Variants in SKAP2 observed in about 807,000 individuals in gnomAD.
The protein encoded by SKAP2 is src kinase-associated phosphoprotein 2.
Under a neutral mutation model 54.9 loss-of-function variants are expected in SKAP2, and 28 were observed. The observed-to-expected ratio is 0.51, with a 90% CI of 0.38 to 0.70. The LOEUF is 0.70. Ranked by LOEUF, SKAP2 falls within the 30% of genes least tolerant of loss-of-function variation. The probability of loss-of-function intolerance (pLI) is 0.00; values close to 1 mark genes in which losing one functional copy is unlikely to be tolerated. For synonymous variants in SKAP2, 137 were observed against 134.3 expected, an observed-to-expected ratio of 1.02 and a Z score of -0.14; for missense variants, 356 against 424.1, an observed-to-expected ratio of 0.84 and a Z score of 1.41.
At chr7:26,692,977 C>T (rs946308244) in intron 9 of SKAP2, among the ~76,000 whole-genome samples, 3 of 152,128 alleles carry the variant, frequency 2.0e-5, no homozygotes, top group East Asian at 1.9e-4. Context: ...TAAAGGCACT[C>T]GTCCTCAGTC....
chr7:26,792,034 T>A (rs1783681682), intron 4 of SKAP2, among the ~76,000 whole-genome samples: 1 of 152,208 alleles, frequency 6.6e-6, no homozygotes, highest in Non-Finnish European at 1.5e-5. Context: ...TACAGAGGTA[T>A]GAAACAACAT....
Position 26,844,142 on chromosome 7 carries a change from TA to T in SKAP2, c.200-6del, listed in dbSNP as rs61646374. 107,010 of 1,192,546 alleles carry T rather than the reference TA, an allele frequency of 0.09. 12 individuals are homozygous for T. The highest frequency in any genetic ancestry group is 0.13 in the East Asian group (4,098 of 31,920). The allele number at this position is 1,192,546 out of a possible 1,614,324, so 73.9% of individuals were successfully genotyped here. On this transcript the variant is annotated splice_region_variant and splice_polypyrimidine_tract_variant and intron_variant, in intron 3 of 12. Coordinates refer to ENST00000345317, the MANE Select transcript of SKAP2 (RefSeq NM_003930.5). ...CTTCCCCATCTTCTGCATCACCTGTTAAAAAAAAAAAAAATCAGAGAACTGC... is the reference window on the plus strand; with the variant it reads ...CTTCCCCATCTTCTGCATCACCTGTTAAAAAAAAAAAAATCAGAGAACTGC...
intron 4 of SKAP2, among the ~76,000 whole-genome samples, chr7:26,804,148 C>T (rs1310509242): frequency 6.6e-6 from 1 of 152,144 alleles, no homozygotes; most frequent in Non-Finnish European, 1.5e-5. Flanking sequence ...AGGATAAATG[C>T]TTGAGGGGAT....
chr7:26,688,406 G>C (rs1297631179), intron 10 of SKAP2, among the ~76,000 whole-genome samples: 5 of 152,194 alleles, frequency 3.3e-5, no homozygotes, highest in Non-Finnish European at 1.5e-5. Context: ...TCTGTGGTGG[G>C]GGGTTTAGTA....
At chr7:26,738,657 A>T in intron 6 of SKAP2, 138 bp downstream of exon 6, 1 of 567,070 alleles carries the variant, frequency 1.8e-6, no homozygotes. Context: ...ATGAATCATA[A>T]ATTAGTCAGA....
At position 26,668,670 on chromosome 7, in the gene SKAP2, T is replaced by G. The variant is rs1012604137; in HGVS notation, c.*996A>C. 3 of 150,610 alleles carry G rather than the reference T, an allele frequency of 2.0e-5. No homozygotes were observed. Among genetic ancestry groups the G allele is most frequent in the Admixed American group, 6.6e-5 (1 of 15,136 alleles). The allele number at this position is 150,610 out of a possible 1,614,324, so 9.3% of individuals were successfully genotyped here. On this transcript the variant is annotated 3_prime_UTR_variant, in exon 13 of 13. Coordinates refer to ENST00000345317, the MANE Select transcript of SKAP2 (RefSeq NM_003930.5). Reference sequence around the variant, plus strand: ...GAATACACTGAGATTCTGTTTTTTTTTTTTTTTTTTTCTGAGATGGAGTCT... The same window carrying G: ...GAATACACTGAGATTCTGTTTTTTTGTTTTTTTTTTTCTGAGATGGAGTCT...
intron 6 of SKAP2, among the ~76,000 whole-genome samples, chr7:26,735,125 C>T (rs1018626990): frequency 6.6e-6 from 1 of 152,158 alleles, no homozygotes; most frequent in South Asian, 2.1e-4. Context: ...CCCTCTCTCA[C>T]TGATATCCAC....
At chr7:26,676,359 T>A (rs1786349443) in intron 11 of SKAP2, among the ~76,000 whole-genome samples, 1 of 152,176 alleles carries the variant, frequency 6.6e-6, no homozygotes. Flanking sequence ...TTAAAAGAAA[T>A]TACTAGCTCC....
In SKAP2 at chr7:26,738,846, G is replaced by T; in HGVS notation, c.418C>A (p.Arg140=). The change falls in exon 6 of 13, where the codon CGG becomes AGG. Residue 140 remains arginine (R), a synonymous_variant. Transcript: ENST00000345317. ...HSFLGFEWQK[R]WCALSKTVFY... is the part of the protein sequence containing the mutation. ...ACCGTTTTACTGAGAGCACACCACC[G>T]TTTCTGCCATTCAAATCCCAGAAAG... The T allele has an allele frequency of 1.2e-6, 2 of 1,607,662 alleles. No homozygotes were observed. Among genetic ancestry groups the T allele is most frequent in the Non-Finnish European group, 8.5e-7 (1 of 1,174,496 alleles).
intron 4 of SKAP2, among the ~76,000 whole-genome samples, chr7:26,842,095 G>A (rs1453702623): frequency 6.6e-6 from 1 of 151,724 alleles, no homozygotes; most frequent in Non-Finnish European, 1.5e-5. Flanking sequence ...CCAAGTGGTA[G>A]TTTAAAAATT....
chr7:26,793,689 A>G (rs117299259), intron 4 of SKAP2, among the ~76,000 whole-genome samples: 2,207 of 152,304 alleles, frequency 0.014, 31 homozygotes, highest in Non-Finnish European at 0.02. Flanking sequence ...GTCAATTAAC[A>G]TATCAGTACT....
chr7:26,702,377 A>G (rs1787047690), intron 9 of SKAP2, among the ~76,000 whole-genome samples: 1 of 152,130 alleles, frequency 6.6e-6, no homozygotes. Flanking sequence ...CCTGGGCTCA[A>G]GCAATCCACC....
chr7:26,781,845 C>G (rs958507258), intron 4 of SKAP2, among the ~76,000 whole-genome samples: 10 of 152,126 alleles, frequency 6.6e-5, no homozygotes, highest in African/African-American at 2.4e-4. Flanking sequence ...AGCATCTACT[C>G]TGATCACTCT....
intron 4 of SKAP2, among the ~76,000 whole-genome samples, chr7:26,770,774 T>C (rs923865824): frequency 8.5e-5 from 13 of 152,168 alleles, no homozygotes; most frequent in Non-Finnish European, 2.9e-5. Flanking sequence ...CTCACCCTCC[T>C]TGGGCTGCAT....
intron 4 of SKAP2, among the ~76,000 whole-genome samples, chr7:26,777,644 C>T (rs556839976): frequency 6.6e-6 from 1 of 152,138 alleles, no homozygotes; most frequent in East Asian, 1.9e-4. Context: ...AATGAGTACC[C>T]AAAATGCTGG....
intron 9 of SKAP2, among the ~76,000 whole-genome samples, chr7:26,714,835 T>C (rs1485182454): frequency 6.6e-6 from 1 of 152,208 alleles, no homozygotes; most frequent in Non-Finnish European, 1.5e-5. Context: ...TCATATTCTA[T>C]CTTCTGAAAG....
At chr7:26,738,992 T>C (rs564376417) in intron 5 of SKAP2, 114 bp from the exon 6 acceptor site, 1 of 696,276 alleles carries the variant, frequency 1.4e-6, no homozygotes, top group Non-Finnish European at 2.5e-6. Context: ...AATTTGTATC[T>C]TCTTTTCCAA....
intron 9 of SKAP2, among the ~76,000 whole-genome samples, chr7:26,696,187 G>A (rs1445795292): frequency 6.6e-6 from 1 of 152,102 alleles, no homozygotes; most frequent in Non-Finnish European, 1.5e-5. Context: ...CTAAAGGACT[G>A]TTCTGTCTAT....
rs1786902132 is a variant in SKAP2, at chr7:26,696,681, A to G, written c.797-6319T>C. 1.3e-5 allele frequency among the ~76,000 whole-genome samples: 2 copies of G among 152,160 alleles called. 1 individual carries two copies. The highest frequency in any genetic ancestry group is 4.1e-4 in the South Asian group (2 of 4,834). The stretch of plus-strand genomic sequence containing the variant: ...ATCTAATTTTCACCTTTGACATTCT[A>G]TTATTCTAAGGTTTAATATGAAAAG... On this transcript the variant is annotated intron_variant, in intron 9 of 12. Coordinates refer to ENST00000345317, the MANE Select transcript of SKAP2 (RefSeq NM_003930.5).
Sources: gnomAD v4.1 joint callset for allele counts (sites outside exome capture counted in the v4.1 genomes callset) on GRCh38, gnomAD v4.1.1 for gene constraint, MANE v1.5 for transcripts, NCBI Gene and HGNC (gene_info 2026-07-23, HGNC 2026-07-21) for gene names.